The following ACE variants were observed in gnomAD, a reference collection of about 807,000 sequenced individuals.
ACE encodes angiotensin-converting enzyme.
ACE carries 122 observed loss-of-function variants against 162.3 expected under a neutral mutation model. The ratio of observed to expected loss-of-function variants is 0.75; its 90% CI spans 0.65 to 0.87. ACE has a LOEUF of 0.87. Among genes scored for constraint, ACE ranks in the 40% least tolerant of loss-of-function variants. The pLI is 0.00. For missense variants in ACE, 1,799 were observed against 1,735.1 expected (o/e 1.04, Z -0.65); for synonymous variants, 796 against 720.6 (o/e 1.10, Z -1.68).
At chr17:63,487,109 G>C (rs778008713) in intron 15 of ACE, 36 bp downstream of exon 15, 2 of 1,586,850 alleles carry the variant, frequency 1.3e-6, no homozygotes, top group South Asian at 2.2e-5. Context: ...GAGAGGCGAG[G>C]GCTGGGACTG....
At chr17:63,485,417 C>A in intron 13 of ACE, 45 bp downstream of exon 13, 1 of 1,610,478 alleles carries the variant, frequency 6.2e-7, no homozygotes, top group Non-Finnish European at 8.5e-7. Flanking sequence ...TGTGCATACA[C>A]ACAGAGATGC....
chr17:63,493,198 A>C (rs931322858), intron 19 of ACE, among the ~76,000 whole-genome samples: 1 of 152,224 alleles, frequency 6.6e-6, no homozygotes, highest in Non-Finnish European at 1.5e-5. Flanking sequence ...GGAGTCATTC[A>C]GGAAAATGGG....
At chr17:63,486,505 A>G in intron 13 of ACE, 52 bp from the exon 14 acceptor site, 2 of 1,607,528 alleles carry the variant, frequency 1.2e-6, no homozygotes, top group East Asian at 2.2e-5. Flanking sequence ...TCCCGCTCAG[A>G]GGCTGCTCTG....
intron 22 of ACE, among the ~76,000 whole-genome samples, chr17:63,495,345 C>T (rs887822344): frequency 5.9e-5 from 9 of 152,178 alleles, no homozygotes; most frequent in East Asian, 5.8e-4. Context: ...CAGGTGCCCC[C>T]GGGCTACAGG....
At chr17:63,477,539 T>G in intron 1 of ACE, 196 bp downstream of exon 1, 1 of 311,590 alleles carries the variant, frequency 3.2e-6, no homozygotes, top group East Asian at 1.3e-4. Context: ...ATGCACGAGT[T>G]GGATGGATGA....
At position 63,480,509 on chromosome 17, in the gene ACE, C is replaced by T. The variant is rs1311362301; in HGVS notation, c.828C>T (p.Pro276=). The T allele has an allele frequency of 3.1e-6, 5 of 1,613,896 alleles. No homozygotes were observed. The highest frequency in any genetic ancestry group is 4.2e-6 in the Non-Finnish European group (5 of 1,180,036). ...YGDRYINLRG[P]IPAHLLGDMW... Reference sequence around the variant, plus strand: ...ACAGATACATCAACCTCAGGGGACCCATCCCTGCTCATCTGCTGGGTAAGG... The same window carrying T: ...ACAGATACATCAACCTCAGGGGACCTATCCCTGCTCATCTGCTGGGTAAGG... The change falls in exon 5 of 25, where the codon CCC becomes CCT. Residue 276 remains proline, a synonymous_variant. Coordinates refer to ENST00000290866, the MANE Select transcript of ACE (RefSeq NM_000789.4).
At position 63,478,962 on chromosome 17, in the gene ACE, C is replaced by G. The variant is rs751651314; in HGVS notation, c.418-45C>G. 5.2e-6 allele frequency: 8 copies of G among 1,538,582 alleles called. No individual in the cohort carries two copies. The Admixed American group carries it at 8.5e-5, about 16-fold the overall frequency. On this transcript the variant is annotated intron_variant, in intron 2 of 24. Coordinates refer to ENST00000290866, the MANE Select transcript of ACE (RefSeq NM_000789.4). ...CTAGCAGCGAGGGGAGGGCAGATGTCCCAGGGGCTGGTCACTGGAGCATTC... is the reference window on the plus strand; with the variant it reads ...CTAGCAGCGAGGGGAGGGCAGATGTGCCAGGGGCTGGTCACTGGAGCATTC...
At position 63,483,164 on chromosome 17, in the gene ACE, G is replaced by T; in HGVS notation, c.1478G>T (p.Trp493Leu). Residue 493 changes from tryptophan to leucine, a missense_variant, in exon 9 of 25, where the codon TGG becomes TTG. Transcript: ENST00000290866. Reference sequence around the variant, plus strand: ...CCTTCCCGCTACAACTTCGACTGGTGGTATCTTCGGTGAGAGGAGGGATAG... The same window carrying T: ...CCTTCCCGCTACAACTTCGACTGGTTGTATCTTCGGTGAGAGGAGGGATAG... ...TPPSRYNFDWWYLRTKYQGIC... is the reference protein window; with the variant it reads ...TPPSRYNFDWLYLRTKYQGIC... 6.2e-7 allele frequency: 1 copy of T among 1,613,900 alleles called. No homozygotes were observed. The highest frequency in any genetic ancestry group is 8.5e-7 in the Non-Finnish European group (1 of 1,180,016).
chr17:63,494,595 G>A lies in ACE; in HGVS notation c.3380+125G>A, dbSNP rs972789342. 91 of 834,472 alleles carry A rather than the reference G, an allele frequency of 1.1e-4. No homozygotes were observed. The East Asian group carries it at 1.6e-3, about 14-fold the overall frequency. The allele number at this position is 834,472 out of a possible 1,614,324, so 51.7% of individuals were successfully genotyped here. On this transcript the variant is annotated intron_variant, in intron 22 of 24. Transcript: ENST00000290866. ...GCAGACCCGGGGGAGCCGGCCGCAC[G>A]GTGCAGGTGCCTGGGCCCACTCACA...
chr17:63,480,329 G>GC lies in ACE; in HGVS notation c.656-3dup. The stretch of plus-strand genomic sequence containing the variant: ...CCTGAGCTACATACCTCACCCCCAC[G>GC]CCCCCAGGCTTCACAGACACGGGGG... On this transcript the variant is annotated splice_polypyrimidine_tract_variant and splice_region_variant and intron_variant, in intron 4 of 24. Coordinates refer to ENST00000290866, the MANE Select transcript of ACE (RefSeq NM_000789.4). 6.2e-7 allele frequency: 1 copy of GC among 1,613,434 alleles called. No individual in the cohort carries two copies. The highest frequency in any genetic ancestry group is 8.5e-7 in the Non-Finnish European group (1 of 1,179,974).
chr17:63,496,633 C>G (rs1379759315), intron 23 of ACE, 117 bp downstream of exon 23: 1 of 1,596,204 alleles, frequency 6.3e-7, no homozygotes, highest in African/African-American at 1.3e-5. Flanking sequence ...CGGGAACTCC[C>G]ACCTGCAGCG....
chr17:63,481,543 C>T, intron 6 of ACE, 23 bp from the exon 7 acceptor site: 1 of 1,613,116 alleles, frequency 6.2e-7, no homozygotes, highest in Non-Finnish European at 8.5e-7. Context: ...TCCCCCTGAC[C>T]TGGCTCCACA....
chr17:63,494,128 G>A lies in ACE; in HGVS notation c.3281+62G>A, dbSNP rs2030576258. The A allele has an allele frequency of 3.1e-6, 5 of 1,607,120 alleles. No individual in the cohort carries two copies. In the South Asian group the frequency reaches 5.5e-5, roughly 18 times the overall value. On this transcript the variant is annotated intron_variant, in intron 21 of 24. Coordinates refer to ENST00000290866, the MANE Select transcript of ACE (RefSeq NM_000789.4). The stretch of plus-strand genomic sequence containing the variant: ...TCTCTGCGAGTGTCTGCATGTGCCT[G>A]GGTGTCTGGATGGGCCAGGGTAGGG...
intron 14 of ACE, 29 bp downstream of exon 14, chr17:63,486,744 G>C: frequency 6.2e-7 from 1 of 1,613,908 alleles, no homozygotes; most frequent in Non-Finnish European, 8.5e-7. Flanking sequence ...ACAGGGAGAG[G>C]GGAATCCTGG....
Position 63,479,818 on chromosome 17 carries a change from T to G in ACE, c.561T>G (p.Phe187Leu). The stretch of plus-strand genomic sequence containing the variant: ...CGCGAAGCTACGCCATGCTCCTGTT[T>G]GCCTGGGAGGGCTGGCACAACGCTG... The part of the protein sequence containing the change: ...ASSRSYAMLL[F>L]AWEGWHNAAG... The change falls in exon 4 of 25, where the codon TTT (phenylalanine) becomes TTG (leucine). Residue 187 changes from phenylalanine to leucine, a missense_variant. Transcript: ENST00000290866. 6.2e-7 allele frequency: 1 copy of G among 1,613,460 alleles called. No homozygotes were observed. Among genetic ancestry groups the G allele is most frequent in the Non-Finnish European group, 8.5e-7 (1 of 1,180,036 alleles).
rs1568036743 is a variant in ACE at position 63,480,534 on chromosome 17, G to A, written c.847+6G>A. 5.0e-6 allele frequency: 8 copies of A among 1,613,568 alleles called. No homozygotes were observed. The highest frequency in any genetic ancestry group is 1.6e-4 in the Middle Eastern group (1 of 6,062). The stretch of plus-strand genomic sequence containing the variant: ...CATCCCTGCTCATCTGCTGGGTAAG[G>A]ACCTGGCCTCGCCTCCACATGAGTC... On this transcript the variant is annotated splice_donor_region_variant and intron_variant, in intron 5 of 24. Coordinates refer to ENST00000290866, the MANE Select transcript of ACE (RefSeq NM_000789.4).
Position 63,484,301 on chromosome 17 carries a change from G to A in ACE, c.1710-29G>A, listed in dbSNP as rs2147538089. 1 of 1,600,346 alleles carries A rather than the reference G, an allele frequency of 6.2e-7. No individual in the cohort carries two copies. Among genetic ancestry groups the A allele is most frequent in the East Asian group, 2.3e-5 (1 of 44,384 alleles). ...GAGCAGACTCCAGCCTGAGTCCCCT[G>A]TGCCCATGGTACCCACTCTGCCCAC... On this transcript the variant is annotated intron_variant, in intron 11 of 24. Transcript: ENST00000290866. This position sits in a 1 kb window ranked among gnomAD's most constrained non-coding sequence, Gnocchi z 4.0.
chr17:63,491,615 T>C lies in ACE; in HGVS notation c.2912+234T>C, dbSNP rs12709434. On this transcript the variant is annotated intron_variant, in intron 19 of 24. Transcript: ENST00000290866. The surrounding 1 kb of genome is among the most constrained non-coding windows in gnomAD (Gnocchi z 4.4). Reference sequence around the variant, plus strand: ...CTCTGTCAGCCTGGCCGCTGGGAAGTGCTCAAGGTCCCAGTCCTGGGTTTG... The same window carrying C: ...CTCTGTCAGCCTGGCCGCTGGGAAGCGCTCAAGGTCCCAGTCCTGGGTTTG... 1.8e-3 allele frequency among the ~76,000 whole-genome samples: 281 copies of C among 152,304 alleles called. No homozygotes were observed. The highest frequency in any genetic ancestry group is 3.4e-3 in the Middle Eastern group (1 of 294).
chr17:63,493,371 C>A, intron 19 of ACE, 65 bp from the exon 20 acceptor site: 1 of 1,487,516 alleles, frequency 6.7e-7, no homozygotes, highest in Non-Finnish European at 9.4e-7. Context: ...GCCCACTGTT[C>A]CCTTATGCCC....
Sources: allele counts gnomAD v4.1 joint callset (sites outside exome capture counted in the v4.1 genomes callset), GRCh38; gene constraint gnomAD v4.1.1; non-coding constraint Gnocchi (gnomAD v3.1); transcripts MANE v1.5; gene names NCBI Gene and HGNC (gene_info 2026-07-23, HGNC 2026-07-21).